The following WWOX variants were observed in gnomAD, a reference collection of about 807,000 sequenced individuals.
WWOX encodes the protein WW domain-containing oxidoreductase.
In WWOX, 69 loss-of-function variants were observed where a neutral mutation model predicts 46.2. That is an observed-to-expected ratio of 1.49 (90% confidence interval 1.23 to 1.82). The LOEUF (loss-of-function observed/expected upper bound fraction) is 1.82. Among genes scored for constraint, WWOX ranks in the 40% most tolerant of loss-of-function variants. WWOX has a pLI of 0.00. For synonymous variants in WWOX, 359 were observed against 202.6 expected (o/e 1.77, Z -6.56); for missense variants, 919 against 542.6 (o/e 1.69, Z -6.89).
intron 5 of WWOX, among the ~76,000 whole-genome samples, chr16:78,294,921 G>A (rs962536789): frequency 1.2e-4 from 19 of 152,116 alleles, no homozygotes; most frequent in African/African-American, 4.6e-4. Flanking sequence ...AACAAGATTC[G>A]GCCCCAAGGA....
At chr16:78,918,190 G>A (rs1238769078) in intron 8 of WWOX, among the ~76,000 whole-genome samples, 16 of 152,086 alleles carry the variant, frequency 1.1e-4, no homozygotes, top group Admixed American at 9.8e-4. Flanking sequence ...ACCAGCCTGG[G>A]TGACAAAGTG....
intron 8 of WWOX, among the ~76,000 whole-genome samples, chr16:78,603,019 A>G (rs549782504): frequency 6.6e-6 from 1 of 152,358 alleles, no homozygotes; most frequent in East Asian, 1.9e-4. Flanking sequence ...CCTTGCCAGT[A>G]TCTAGCGTGT....
chr16:78,418,083 G>C (rs898982612), intron 6 of WWOX, among the ~76,000 whole-genome samples: 1 of 152,122 alleles, frequency 6.6e-6, no homozygotes, highest in African/African-American at 2.4e-5. Flanking sequence ...AATACTGGCC[G>C]GGAACGGTGG....
At chr16:78,913,999 TCA>T (rs575865054) in intron 8 of WWOX, among the ~76,000 whole-genome samples, 61 of 151,972 alleles carry the variant, frequency 4.0e-4, no homozygotes, top group Non-Finnish European at 7.6e-4. Context: ...ACCAGGAAAT[TCA>T]CTGATATTAT....
At chr16:78,890,715 C>G (rs1015760960) in intron 8 of WWOX, 1 of 152,196 alleles carries the variant, frequency 6.6e-6, no homozygotes, top group African/African-American at 2.4e-5. Flanking sequence ...GCCACCTATA[C>G]TATTATTTAC....
intron 8 of WWOX, among the ~76,000 whole-genome samples, chr16:78,926,114 A>T (rs2045491604): frequency 6.6e-6 from 1 of 152,142 alleles, no homozygotes; most frequent in African/African-American, 2.4e-5. Context: ...CTAAGAAAAT[A>T]CAGCACTTTG....
At chr16:78,933,244 G>A (rs2045662922) in intron 8 of WWOX, among the ~76,000 whole-genome samples, 1 of 152,202 alleles carries the variant, frequency 6.6e-6, no homozygotes, top group Non-Finnish European at 1.5e-5. Flanking sequence ...TTCGAGACCA[G>A]CCTGACCAAC....
intron 8 of WWOX, among the ~76,000 whole-genome samples, chr16:78,538,365 G>A (rs986813480): frequency 2.6e-5 from 4 of 151,914 alleles, no homozygotes; most frequent in African/African-American, 9.7e-5. Flanking sequence ...ATTGACGTTT[G>A]TTTAATATTT....
chr16:79,145,163 T>C lies in WWOX; in HGVS notation c.1057-66445T>C, dbSNP rs537765167. Among the ~76,000 whole-genome samples, 6 of 152,352 alleles carry C rather than the reference T, an allele frequency of 3.9e-5. No homozygotes were observed. The East Asian group carries it at 1.2e-3, about 29-fold the overall frequency. On this transcript the variant is annotated intron_variant, in intron 8 of 8. Transcript: ENST00000566780. Reference sequence around the variant, plus strand: ...ACTAATTAAATTTTCATGTCATTTCTTTACTTATTGTTTTTATTCTCTATC... The same window carrying C: ...ACTAATTAAATTTTCATGTCATTTCCTTACTTATTGTTTTTATTCTCTATC...
At chr16:78,556,206 C>T (rs965565080) in intron 8 of WWOX, among the ~76,000 whole-genome samples, 10 of 151,354 alleles carry the variant, frequency 6.6e-5, no homozygotes, top group African/African-American at 9.7e-5. Flanking sequence ...GCCAGCCTAT[C>T]GTGCATCAGA....
rs138046570 is a variant in WWOX, at chr16:78,971,083, G to A, written c.1057-240525G>A. Among the ~76,000 whole-genome samples the A allele has an allele frequency of 2.9e-3, 439 of 152,056 alleles. 3 individuals are homozygous for A. The highest frequency in any genetic ancestry group is 0.01 in the African/African-American group (426 of 41,470). On this transcript the variant is annotated intron_variant, in intron 8 of 8. Coordinates refer to ENST00000566780, the MANE Select transcript of WWOX (RefSeq NM_016373.4). ...TATATATATGTATACATATGTATAT[G>A]TATATCAATATATATATCAGGTAAG...
chr16:78,487,974 G>A (rs2084681586), intron 8 of WWOX, among the ~76,000 whole-genome samples: 1 of 152,152 alleles, frequency 6.6e-6, no homozygotes, highest in African/African-American at 2.4e-5. Context: ...CCTTCCCCAA[G>A]CTTCGAAAGA....
intron 8 of WWOX, among the ~76,000 whole-genome samples, chr16:78,804,069 C>T (rs1230251137): frequency 6.6e-6 from 1 of 152,124 alleles, no homozygotes; most frequent in Non-Finnish European, 1.5e-5. Flanking sequence ...ACTTCCCTCT[C>T]CTTCATTCCC....
chr16:79,102,934 C>T (rs987945116), intron 8 of WWOX, among the ~76,000 whole-genome samples: 3 of 152,114 alleles, frequency 2.0e-5, no homozygotes, highest in East Asian at 1.9e-4. Flanking sequence ...TGTCCTCTTC[C>T]TCCCTCTCTT....
At chr16:78,581,458 C>G (rs2151589271) in intron 8 of WWOX, among the ~76,000 whole-genome samples, 1 of 152,330 alleles carries the variant, frequency 6.6e-6, no homozygotes, top group Admixed American at 6.5e-5. Context: ...TAAAGCACTT[C>G]TAGGCCATCT....
At chr16:79,022,439 C>T (rs919383485) in intron 8 of WWOX, among the ~76,000 whole-genome samples, 2 of 150,750 alleles carry the variant, frequency 1.3e-5, no homozygotes, top group African/African-American at 2.4e-5. Flanking sequence ...GTAAATAAAG[C>T]TGTCTACTTT....
At chr16:78,581,660 G>A (rs910143763) in intron 8 of WWOX, among the ~76,000 whole-genome samples, 4 of 152,114 alleles carry the variant, frequency 2.6e-5, no homozygotes, top group African/African-American at 7.2e-5. Context: ...GGGAATAAAT[G>A]CTACCCATAG....
At chr16:78,720,306 G>T (rs1225290818) in intron 8 of WWOX, among the ~76,000 whole-genome samples, 1 of 145,296 alleles carries the variant, frequency 6.9e-6, no homozygotes, top group African/African-American at 2.8e-5. Flanking sequence ...CGGTTATATA[G>T]ATCTTTCTGA....
In WWOX at chr16:78,418,591, C is replaced by G. The variant is rs182656306; in HGVS notation, c.606-6279C>G. 3.2e-4 allele frequency among the ~76,000 whole-genome samples: 49 copies of G among 152,108 alleles called. 1 individual carries two copies. In the East Asian group the frequency reaches 8.7e-3, roughly 27 times the overall value. On this transcript the variant is annotated intron_variant, in intron 6 of 8. Coordinates refer to ENST00000566780, the MANE Select transcript of WWOX (RefSeq NM_016373.4). Reference sequence around the variant, plus strand: ...AGCAAGCCAAATGCAGCCACATATACAAAGAATTGTATATTATGACTAAGT... The same window carrying G: ...AGCAAGCCAAATGCAGCCACATATAGAAAGAATTGTATATTATGACTAAGT...
Sources: allele counts gnomAD v4.1 joint callset (sites outside exome capture counted in the v4.1 genomes callset), GRCh38; gene constraint gnomAD v4.1.1; transcripts MANE v1.5; gene names NCBI Gene and HGNC (gene_info 2026-07-23, HGNC 2026-07-21).